Variants in DOCK1 observed in about 807,000 individuals in gnomAD.
The protein encoded by DOCK1 is dedicator of cytokinesis protein 1.
Under a neutral mutation model 262.7 loss-of-function variants are expected in DOCK1, and 138 were observed. That is an observed-to-expected ratio of 0.53 (90% CI 0.46 to 0.61). The LOEUF (loss-of-function observed/expected upper bound fraction) is 0.61. Ranked by LOEUF, DOCK1 falls within the 20% of genes least tolerant of loss-of-function variation. DOCK1 has a pLI of 0.00. For missense variants in DOCK1, 1,908 were observed against 2,370.7 expected, an observed-to-expected ratio of 0.80 and a Z score of 4.05; for synonymous variants, 866 against 867.4, an observed-to-expected ratio of 1.00 and a Z score of 0.03.
At chr10:127,084,340 C>A (rs893467047) in intron 23 of DOCK1, among the ~76,000 whole-genome samples, 1 of 152,114 alleles carries the variant, frequency 6.6e-6, no homozygotes, top group African/African-American at 2.4e-5. Context: ...GTTCAAAGAC[C>A]CTCTCTCACC....
chr10:127,219,299 A>G (rs190035906), intron 27 of DOCK1, among the ~76,000 whole-genome samples: 2 of 152,282 alleles, frequency 1.3e-5, no homozygotes, highest in East Asian at 1.9e-4. Context: ...GCAGTATTAT[A>G]TTATAGAAGG....
intron 38 of DOCK1, among the ~76,000 whole-genome samples, 183 bp downstream of exon 38, chr10:127,385,092 AAAT>A (rs147968678): frequency 0.094 from 14,353 of 152,140 alleles, 831 homozygotes; most frequent in African/African-American, 0.18. Flanking sequence ...CTTTTAAAAA[AAAT>A]CAATAGCCCT....
intron 23 of DOCK1, among the ~76,000 whole-genome samples, chr10:127,076,045 AGT>A (rs766251176): frequency 6.6e-6 from 1 of 152,210 alleles, no homozygotes; most frequent in Non-Finnish European, 1.5e-5. Flanking sequence ...TTCTCCACCC[AGT>A]GTGTGGACAT....
rs773612844 is a variant in DOCK1 at position 127,052,759 on chromosome 10, G to A, written c.2280G>A (p.Met760Ile). 2 of 1,613,952 alleles carry A rather than the reference G, an allele frequency of 1.2e-6. No homozygotes were observed. The highest frequency in any genetic ancestry group is 1.7e-6 in the Non-Finnish European group (2 of 1,179,886). The change falls in exon 22 of 52, where the codon ATG becomes ATA. Residue 760 changes from methionine (M) to isoleucine (I), a missense_variant. Met to Ile is a conservative substitution (Grantham distance 10). Transcript: ENST00000623213. ...TAAATGAGCAGCTGTACAAAGCCAT[G>A]AAAGCGCTAGAATCCATCTTCAAGT... ...PGVNEQLYKA[M>I]KALESIFKFI...
chr10:126,924,338 TGTGA>T (rs1426356502), intron 1 of DOCK1, among the ~76,000 whole-genome samples: 1 of 109,830 alleles, frequency 9.1e-6, no homozygotes, highest in Non-Finnish European at 1.8e-5. Flanking sequence ...AGGGGGAGGC[TGTGA>T]GTGCTGGAAC....
rs118175281 is a variant in DOCK1, at chr10:127,057,355, A to G, written c.2337-4313A>G. Among the ~76,000 whole-genome samples, 202 of 152,368 alleles carry G rather than the reference A, an allele frequency of 1.3e-3. 3 individuals are homozygous for G. The highest frequency in any genetic ancestry group is 3.4e-3 in the Middle Eastern group (1 of 294). The stretch of plus-strand genomic sequence containing the variant: ...TCAAAATGGTCTATTGTGTTTTCCT[A>G]TAGTGCAATAGCTTTGTTAAATTCC... On this transcript the variant is annotated intron_variant, in intron 22 of 51. Coordinates refer to ENST00000623213, the MANE Select transcript of DOCK1 (RefSeq NM_001290223.2).
At chr10:127,059,497 G>A (rs1359216330) in intron 22 of DOCK1, among the ~76,000 whole-genome samples, 5 of 151,924 alleles carry the variant, frequency 3.3e-5, no homozygotes, top group Non-Finnish European at 5.9e-5. Context: ...CTCTTCCTCA[G>A]TACTTCTGTT....
chr10:127,167,815 AC>A (rs898455164), intron 27 of DOCK1, among the ~76,000 whole-genome samples: 2 of 150,954 alleles, frequency 1.3e-5, no homozygotes, highest in Non-Finnish European at 3.0e-5. Flanking sequence ...CCTCACCACC[AC>A]CCCCCATCCC....
intron 25 of DOCK1, among the ~76,000 whole-genome samples, chr10:127,113,782 C>A (rs573219321): frequency 6.6e-6 from 1 of 152,134 alleles, no homozygotes; most frequent in Non-Finnish European, 1.5e-5. Context: ...TGCGTCACTG[C>A]GGCCATTTGC....
In DOCK1 at chr10:127,409,338, C is replaced by T; in HGVS notation, c.4290C>T (p.Pro1430=). 2 of 1,613,978 alleles carry T rather than the reference C, an allele frequency of 1.2e-6. No homozygotes were observed. The highest frequency in any genetic ancestry group is 2.7e-5 in the African/African-American group (2 of 75,038). Residue 1430 remains proline (P), a synonymous_variant, in exon 42 of 52, where the codon CCC becomes CCT. Transcript: ENST00000623213. ...ATATTCAGTGCTTCACAGTGAAGCC[C>T]AAACTCGATCTGCCTCCTAAGTTTC... is the stretch of plus-strand genomic sequence containing the variant. ...GQYIQCFTVK[P]KLDLPPKFHR...
chr10:127,127,812 C>T (rs368957666), intron 27 of DOCK1, 48 bp downstream of exon 27: 2 of 1,511,028 alleles, frequency 1.3e-6, no homozygotes, highest in African/African-American at 2.7e-5. Context: ...GGGCTGACAG[C>T]ATCCTTCTCC....
intron 3 of DOCK1, among the ~76,000 whole-genome samples, chr10:126,980,375 C>A (rs934641324): frequency 3.3e-5 from 5 of 151,862 alleles, no homozygotes; most frequent in African/African-American, 1.2e-4. Context: ...AAAAAAATTT[C>A]GGCAGTGAAA....
chr10:127,181,218 A>G (rs774129433), intron 27 of DOCK1, among the ~76,000 whole-genome samples: 5 of 152,224 alleles, frequency 3.3e-5, no homozygotes, highest in African/African-American at 7.2e-5. Context: ...GTATTTGGCT[A>G]TGTATAGTTA....
intron 18 of DOCK1, among the ~76,000 whole-genome samples, chr10:127,033,246 AG>A (rs34909727): frequency 0.17 from 26,261 of 152,022 alleles, 2,427 homozygotes; most frequent in South Asian, 0.32. Context: ...CTGTGGGATA[AG>A]GCACCCCCTG....
At position 127,100,823 on chromosome 10, in the gene DOCK1, C is replaced by T. The variant is rs1004063484; in HGVS notation, c.2446-5408C>T. Reference sequence around the variant, plus strand: ...CCTTGGCAGGAACAGAGCTGTGGTGCGGGCCGGAGTCAGGCTGCAGTGGGA... The same window carrying T: ...CCTTGGCAGGAACAGAGCTGTGGTGTGGGCCGGAGTCAGGCTGCAGTGGGA... On this transcript the variant is annotated intron_variant, in intron 23 of 51. Coordinates refer to ENST00000623213, the MANE Select transcript of DOCK1 (RefSeq NM_001290223.2). The surrounding 1 kb of genome is among the most constrained non-coding windows in gnomAD (Gnocchi z 5.5). Among the ~76,000 whole-genome samples, 8 of 152,028 alleles carry T rather than the reference C, an allele frequency of 5.3e-5. No individual in the cohort carries two copies. Among genetic ancestry groups the T allele is most frequent in the African/African-American group, 1.2e-4 (5 of 41,382 alleles).
chr10:127,262,430 T>G (rs972320013), intron 29 of DOCK1, among the ~76,000 whole-genome samples: 3 of 152,062 alleles, frequency 2.0e-5, no homozygotes, highest in African/African-American at 7.2e-5. Flanking sequence ...AGCACAAGAG[T>G]CAGCCACCGA....
chr10:127,314,405 GTGC>G (rs2062185128), intron 29 of DOCK1, among the ~76,000 whole-genome samples: 1 of 152,234 alleles, frequency 6.6e-6, no homozygotes, highest in Non-Finnish European at 1.5e-5. Flanking sequence ...TGGCTGCGCA[GTGC>G]CTGCCGGCCT....
chr10:127,268,942 A>G (rs1411058246), intron 29 of DOCK1, among the ~76,000 whole-genome samples: 1 of 152,140 alleles, frequency 6.6e-6, no homozygotes, highest in Non-Finnish European at 1.5e-5. Context: ...CTACACCCCA[A>G]TTCTGCCGAG....
At chr10:127,359,062 T>C (rs1018356880) in intron 32 of DOCK1, among the ~76,000 whole-genome samples, 1 of 152,142 alleles carries the variant, frequency 6.6e-6, no homozygotes, top group South Asian at 2.1e-4. Flanking sequence ...GGAGTCACCT[T>C]GGTCCTCATT....
Sources: gnomAD v4.1 joint callset for allele counts (sites outside exome capture counted in the v4.1 genomes callset) on GRCh38, gnomAD v4.1.1 for gene constraint, Gnocchi (gnomAD v3.1) non-coding constraint, MANE v1.5 for transcripts, NCBI Gene and HGNC (gene_info 2026-07-23, HGNC 2026-07-21) for gene names.